Variants in SLC25A12 observed in about 807,000 individuals in gnomAD.
SLC25A12 encodes the protein solute carrier family 25 member 12, also known as electrogenic aspartate/glutamate antiporter SLC25A12, mitochondrial.
SLC25A12 carries 32 observed loss-of-function variants against 83.3 expected under a neutral mutation model. The ratio of observed to expected loss-of-function variants is 0.38; its 90% CI spans 0.29 to 0.52. The LOEUF (loss-of-function observed/expected upper bound fraction) is 0.52, where lower values mean the gene tolerates loss of function less well. Ranked by LOEUF, SLC25A12 falls within the 20% of genes least tolerant of loss-of-function variation. SLC25A12 has a pLI of 0.84. For missense variants in SLC25A12, 611 were observed against 835.6 expected, an observed-to-expected ratio of 0.73 and a Z score of 3.31; for synonymous variants, 267 against 291.1, an observed-to-expected ratio of 0.92 and a Z score of 0.84.
intron 2 of SLC25A12, among the ~76,000 whole-genome samples, chr2:171,873,465 A>G (rs551722471): frequency 1.5e-3 from 232 of 152,274 alleles, no homozygotes; most frequent in African/African-American, 5.5e-3. Flanking sequence ...TAAATAAATA[A>G]AAGATACAGG....
At chr2:171,869,967 G>C (rs937595668) in intron 2 of SLC25A12, among the ~76,000 whole-genome samples, 1 of 152,164 alleles carries the variant, frequency 6.6e-6, no homozygotes, top group East Asian at 1.9e-4. Context: ...CAACAGTCCT[G>C]CTTTTTTTTC....
intron 13 of SLC25A12, among the ~76,000 whole-genome samples, chr2:171,797,736 C>G (rs752723602): frequency 3.9e-5 from 6 of 151,994 alleles, no homozygotes; most frequent in Non-Finnish European, 8.8e-5. Context: ...ATCAAAAAAC[C>G]TAATCAAATA....
intron 9 of SLC25A12, 39 bp downstream of exon 9, chr2:171,826,759 A>G: frequency 8.5e-7 from 1 of 1,174,684 alleles, no homozygotes; most frequent in Non-Finnish European, 1.3e-6. Context: ...CTAGTTCAGC[A>G]TTTTTTTAAG....
chr2:171,857,044 CTG>C (rs1211417245), intron 3 of SLC25A12, among the ~76,000 whole-genome samples: 1 of 152,156 alleles, frequency 6.6e-6, no homozygotes, highest in Non-Finnish European at 1.5e-5. Flanking sequence ...ACATTATTCT[CTG>C]TGTTATACAT....
intron 15 of SLC25A12, chr2:171,788,534 G>C (rs1162076900): frequency 6.4e-6 from 1 of 157,026 alleles, no homozygotes; most frequent in Non-Finnish European, 1.4e-5. Context: ...CAGGCAGCCA[G>C]TTAAGAAACA....
At chr2:171,799,687 G>C (rs556018389) in intron 13 of SLC25A12, among the ~76,000 whole-genome samples, 1 of 152,268 alleles carries the variant, frequency 6.6e-6, no homozygotes, top group South Asian at 2.1e-4. Context: ...TTTTGCATTC[G>C]GCATAACCAT....
chr2:171,888,926 T>C (rs1685878039), intron 2 of SLC25A12, among the ~76,000 whole-genome samples: 1 of 152,188 alleles, frequency 6.6e-6, no homozygotes, highest in Non-Finnish European at 1.5e-5. Context: ...TTATAGTCTT[T>C]AAGTAGCTCA....
intron 13 of SLC25A12, among the ~76,000 whole-genome samples, chr2:171,806,155 T>C (rs915687769): frequency 2.0e-5 from 3 of 151,952 alleles, no homozygotes; most frequent in Non-Finnish European, 4.4e-5. Context: ...AAAAATCACA[T>C]GCCTTTAAAA....
In SLC25A12 at chr2:171,826,797, C is replaced by A. The variant is rs751172462; in HGVS notation, c.930+1G>T. On this transcript the variant is annotated splice_donor_variant, in intron 9 of 17. Transcript: ENST00000422440. LOFTEE classifies it high-confidence loss of function. ...GATCATATTTATGAGATTACTCATA[C>A]CTGTCTCTGAAGTTCTGCCAGGTTG... 6.5e-7 allele frequency: 1 copy of A among 1,547,550 alleles called. No individual in the cohort carries two copies. Among genetic ancestry groups the A allele is most frequent in the Non-Finnish European group, 8.9e-7 (1 of 1,119,342 alleles).
chr2:171,819,277 C>T (rs1372057617), intron 9 of SLC25A12, among the ~76,000 whole-genome samples: 1 of 119,462 alleles, frequency 8.4e-6, no homozygotes, highest in Non-Finnish European at 1.7e-5. Flanking sequence ...TATATATTTA[C>T]ATAATATATA....
chr2:171,833,701 C>A (rs1245755320), intron 8 of SLC25A12, among the ~76,000 whole-genome samples: 2 of 152,062 alleles, frequency 1.3e-5, no homozygotes, highest in Non-Finnish European at 2.9e-5. Flanking sequence ...TCTCTTCCCT[C>A]CCCTTTCCTT....
intron 14 of SLC25A12, among the ~76,000 whole-genome samples, chr2:171,792,170 T>C (rs56049564): frequency 0.13 from 20,125 of 152,050 alleles, 1,730 homozygotes; most frequent in South Asian, 0.2. Context: ...TCCCAATGAC[T>C]GAGGTCTCAA....
intron 8 of SLC25A12, among the ~76,000 whole-genome samples, chr2:171,829,294 C>T (rs566788423): frequency 6.6e-6 from 1 of 152,228 alleles, no homozygotes; most frequent in South Asian, 2.1e-4. Flanking sequence ...GTCAGAAATC[C>T]CATATGTGCA....
chr2:171,876,946 T>G (rs1446659898), intron 2 of SLC25A12, among the ~76,000 whole-genome samples: 4 of 152,230 alleles, frequency 2.6e-5, no homozygotes, highest in Non-Finnish European at 5.9e-5. Flanking sequence ...GAAATGTATC[T>G]GAAATAGCTG....
chr2:171,790,430 CAA>C (rs2105836354), intron 15 of SLC25A12, among the ~76,000 whole-genome samples: 2 of 152,308 alleles, frequency 1.3e-5, no homozygotes, highest in Admixed American at 1.3e-4. Flanking sequence ...CTTCCTAACT[CAA>C]GAGTCAGGCT....
chr2:171,807,238 CCTGA>C (rs1393863581), intron 13 of SLC25A12, among the ~76,000 whole-genome samples: 1 of 152,118 alleles, frequency 6.6e-6, no homozygotes, highest in Non-Finnish European at 1.5e-5. Context: ...TAGAGTCCAA[CCTGA>C]CTATTTTTCA....
chr2:171,798,942 C>T (rs1466107650), intron 13 of SLC25A12, among the ~76,000 whole-genome samples: 1 of 152,146 alleles, frequency 6.6e-6, no homozygotes, highest in African/African-American at 2.4e-5. Context: ...GTGATTAAGT[C>T]ATGATGGTTC....
At chr2:171,891,452 C>T (rs1452708716) in intron 2 of SLC25A12, among the ~76,000 whole-genome samples, 1 of 152,126 alleles carries the variant, frequency 6.6e-6, no homozygotes, top group East Asian at 1.9e-4. Context: ...GCTAGAAAGA[C>T]CTCAATTCCC....
At chr2:171,785,955 G>A (rs986273437) in intron 17 of SLC25A12, among the ~76,000 whole-genome samples, 2 of 151,898 alleles carry the variant, frequency 1.3e-5, no homozygotes, top group African/African-American at 2.4e-5. Flanking sequence ...ATGCTTTATG[G>A]TTTTCCAAAT....
Sources: gnomAD v4.1 joint callset for allele counts (sites outside exome capture counted in the v4.1 genomes callset) on GRCh38, gnomAD v4.1.1 for gene constraint, MANE v1.5 for transcripts, NCBI Gene and HGNC (gene_info 2026-07-23, HGNC 2026-07-21) for gene names.